The following RPTOR variants were observed in gnomAD, a reference collection of about 807,000 sequenced individuals.
RPTOR encodes the protein regulatory associated protein of MTOR complex 1.
Under a neutral mutation model 169.9 loss-of-function variants are expected in RPTOR, and 21 were observed. That is an observed-to-expected ratio of 0.12 (90% CI 0.09 to 0.18). The LOEUF is 0.18. Ranked by LOEUF, RPTOR falls within the 10% of genes least tolerant of loss-of-function variation. The probability of loss-of-function intolerance (pLI) is 1.00; values close to 1 mark genes in which losing one functional copy is unlikely to be tolerated. For missense variants in RPTOR, 1,133 were observed against 1,855.9 expected, an observed-to-expected ratio of 0.61 and a Z score of 7.16; for synonymous variants, 732 against 753.2, an observed-to-expected ratio of 0.97 and a Z score of 0.46.
At chr17:80,622,525 A>G (rs1403677282) in intron 1 of RPTOR, among the ~76,000 whole-genome samples, 3 of 152,224 alleles carry the variant, frequency 2.0e-5, no homozygotes, top group Non-Finnish European at 4.4e-5. Flanking sequence ...ACGCTTCATA[A>G]TGGAGGCTTC....
At chr17:80,748,002 TTGGG>T (rs139666755) in intron 5 of RPTOR, among the ~76,000 whole-genome samples, 1,536 of 130,526 alleles carry the variant, frequency 0.012, 21 homozygotes, top group African/African-American at 0.021. Context: ...GGAGGACCTG[TTGGG>T]TGGATGGAGG....
intron 5 of RPTOR, among the ~76,000 whole-genome samples, chr17:80,737,265 C>G (rs561081358): frequency 6.6e-6 from 1 of 152,168 alleles, no homozygotes; most frequent in Admixed American, 6.5e-5. Flanking sequence ...GGGCCTTGCT[C>G]GATGGGAAGT....
intron 23 of RPTOR, 107 bp from the exon 24 acceptor site, chr17:80,925,263 G>T: frequency 1.1e-6 from 1 of 881,786 alleles, no homozygotes; most frequent in Non-Finnish European, 1.8e-6. Flanking sequence ...GCAGCCCGGT[G>T]CTCCCGGCAG....
Position 80,545,241 on chromosome 17 carries a change from T to G in RPTOR, c.-389T>G. On this transcript the variant is annotated 5_prime_UTR_variant, in exon 1 of 34. Transcript: ENST00000306801. ...CGGCACCAAGAGCGGCCTGCCTGTC[T>G]TCGGAACTGCTGAGGCGGTGGAGGC... 1 of 238,452 alleles carries G rather than the reference T, an allele frequency of 4.2e-6. No individual in the cohort carries two copies. The highest frequency in any genetic ancestry group is 8.2e-6 in the Non-Finnish European group (1 of 121,414). 14.8% of individuals were successfully genotyped at this position (238,452 alleles called of 1,614,324 possible). A position where few individuals can be genotyped will look rare whatever the true frequency, so the allele number is the denominator to read the frequency against.
At chr17:80,848,007 G>C (rs951359990) in intron 11 of RPTOR, among the ~76,000 whole-genome samples, 1 of 152,268 alleles carries the variant, frequency 6.6e-6, no homozygotes, top group Non-Finnish European at 1.5e-5. Flanking sequence ...GCGTGCTGTA[G>C]GACTGAGGCT....
chr17:80,764,967 G>C (rs1313286416), intron 6 of RPTOR, among the ~76,000 whole-genome samples: 3 of 152,224 alleles, frequency 2.0e-5, no homozygotes, highest in African/African-American at 7.2e-5. Flanking sequence ...CACATTTGCT[G>C]TTTGTGGGGT....
Position 80,892,807 on chromosome 17 carries a change from G to A in RPTOR, c.2180G>A (p.Arg727His), listed in dbSNP as rs2143872040. ...LRSVSSYGNIRAVATARSLNK... is the reference protein window; with the variant it reads ...LRSVSSYGNIHAVATARSLNK... Reference sequence around the variant, plus strand: ...TCTGTGAGCTCCTATGGAAACATCCGTGCTGTCGCCACAGCCAGGAGCCTC... The same window carrying A: ...TCTGTGAGCTCCTATGGAAACATCCATGCTGTCGCCACAGCCAGGAGCCTC... The change falls in exon 19 of 34, where the codon CGT becomes CAT. Residue 727 changes from arginine (R) to histidine (H), a missense_variant. Physicochemically the swap from Arg to His is conservative, Grantham distance 29. Coordinates refer to ENST00000306801, the MANE Select transcript of RPTOR (RefSeq NM_020761.3). 5.6e-6 allele frequency: 9 copies of A among 1,614,224 alleles called. No homozygotes were observed. Among genetic ancestry groups the A allele is most frequent in the Non-Finnish European group, 7.6e-6 (9 of 1,180,032 alleles).
intron 13 of RPTOR, among the ~76,000 whole-genome samples, chr17:80,859,939 CG>C (rs1183908357): frequency 6.6e-6 from 1 of 151,984 alleles, no homozygotes; most frequent in African/African-American, 2.4e-5. Flanking sequence ...GCCCCTGCGC[CG>C]GGTCTGGAGC....
chr17:80,608,479 C>G (rs981669140), intron 1 of RPTOR, among the ~76,000 whole-genome samples: 1 of 151,900 alleles, frequency 6.6e-6, no homozygotes, highest in Non-Finnish European at 1.5e-5. Flanking sequence ...CACCGATAAT[C>G]CAGATTACGT....
At chr17:80,580,770 A>G (rs1033441376) in intron 1 of RPTOR, among the ~76,000 whole-genome samples, 2 of 152,090 alleles carry the variant, frequency 1.3e-5, no homozygotes, top group African/African-American at 4.8e-5. Context: ...CCACAGGTGC[A>G]TGCCACCATA....
At chr17:80,589,952 T>C (rs1347542852) in intron 1 of RPTOR, among the ~76,000 whole-genome samples, 1 of 152,248 alleles carries the variant, frequency 6.6e-6, no homozygotes, top group Non-Finnish European at 1.5e-5. Context: ...TGTGGGGGCA[T>C]CCTTAACTTT....
intron 24 of RPTOR, among the ~76,000 whole-genome samples, chr17:80,931,438 A>G (rs993453965): frequency 4.6e-5 from 7 of 152,188 alleles, no homozygotes; most frequent in Non-Finnish European, 2.9e-5. Flanking sequence ...GAGAATCTCA[A>G]ACCTTTGGGA....
At chr17:80,951,547 A>G (rs2069178881) in intron 28 of RPTOR, among the ~76,000 whole-genome samples, 1 of 152,184 alleles carries the variant, frequency 6.6e-6, no homozygotes, top group South Asian at 2.1e-4. Context: ...CTGGGGCACC[A>G]GGCACAGCTC....
intron 3 of RPTOR, among the ~76,000 whole-genome samples, chr17:80,679,685 A>G (rs2065884075): frequency 6.6e-6 from 1 of 152,250 alleles, no homozygotes; most frequent in Non-Finnish European, 1.5e-5. Context: ...TAAACCATAA[A>G]TAGTTTATAG....
chr17:80,774,137 G>C (rs1419709258), intron 6 of RPTOR: 1 of 985,272 alleles, frequency 1.0e-6, no homozygotes, highest in African/African-American at 1.7e-5. Context: ...TGTGACTCGA[G>C]GGCGCTGTGA....
intron 1 of RPTOR, among the ~76,000 whole-genome samples, chr17:80,584,519 T>C (rs554386048): frequency 6.6e-6 from 1 of 152,096 alleles, no homozygotes; most frequent in African/African-American, 2.4e-5. Flanking sequence ...CATCTGCGGA[T>C]GGAGGGAAGA....
At chr17:80,855,839 C>T (rs1317488397) in intron 12 of RPTOR, among the ~76,000 whole-genome samples, 1 of 152,162 alleles carries the variant, frequency 6.6e-6, no homozygotes, top group Non-Finnish European at 1.5e-5. Context: ...TCACCTTTTC[C>T]TGAGCCGCCC....
chr17:80,717,818 G>C (rs2143143236), intron 4 of RPTOR, among the ~76,000 whole-genome samples: 1 of 152,302 alleles, frequency 6.6e-6, no homozygotes, highest in Admixed American at 6.5e-5. Context: ...CAAAATCCGG[G>C]CTCAGATTTT....
intron 2 of RPTOR, among the ~76,000 whole-genome samples, chr17:80,634,305 G>GTACTATGTGCGTGTGCA (rs2065471005): frequency 2.2e-4 from 19 of 87,856 alleles, no homozygotes; most frequent in African/African-American, 1.1e-3. Flanking sequence ...GTGTGTGTGC[G>GTACTATGTGCGTGTGCA]TACTGTGCGT....
Sources: allele counts gnomAD v4.1 joint callset (sites outside exome capture counted in the v4.1 genomes callset), GRCh38; gene constraint gnomAD v4.1.1; transcripts MANE v1.5; gene names NCBI Gene and HGNC (gene_info 2026-07-23, HGNC 2026-07-21).